Variants in ZNF782 observed in about 807,000 individuals in gnomAD.
ZNF782 encodes zinc finger protein 782.
Under a neutral mutation model 13.0 loss-of-function variants are expected in ZNF782, and 12 were observed. The ratio of observed to expected loss-of-function variants is 0.92; its 90% CI spans 0.59 to 1.50. The LOEUF is 1.50. Among genes scored for constraint, ZNF782 ranks in the 40% most tolerant of loss-of-function variants. ZNF782 has a pLI of 0.00. For missense variants in ZNF782, 770 were observed against 822.9 expected, an observed-to-expected ratio of 0.94 and a Z score of 0.79; for synonymous variants, 284 against 283.0, an observed-to-expected ratio of 1.00 and a Z score of -0.04.
intron 5 of ZNF782, among the ~76,000 whole-genome samples, chr9:96,822,295 G>A (rs1161209619): frequency 6.6e-6 from 1 of 151,958 alleles, no homozygotes; most frequent in Non-Finnish European, 1.5e-5. Context: ...ATACTTACAT[G>A]TTATATTGCA....
At chr9:96,908,129 C>T in the ZNF782 span, among the ~76,000 whole-genome samples, 8 of 151,868 alleles carry the variant, frequency 5.3e-5, no homozygotes, top group East Asian at 1.4e-3. Context: ...TTTCCAGTGC[C>T]CAGGCCAGTG....
chr9:96,846,341 A>G (rs756224600), intron 3 of ZNF782, among the ~76,000 whole-genome samples: 6 of 152,222 alleles, frequency 3.9e-5, no homozygotes, highest in Non-Finnish European at 8.8e-5. Context: ...TCACATCTCA[A>G]TATTAACATT....
rs1850223469 is a variant in ZNF782, at chr9:96,817,923, T to G, written c.2100A>C (p.Ter700TyrextTer22). Residue 700 changes from the stop codon to tyrosine (Y), a stop_lost, in exon 6 of 6, where the codon TAA becomes TAC. Coordinates refer to ENST00000481138, the MANE Select transcript of ZNF782 (RefSeq NM_001001662.3). ...TTTCGTATTCTTTATATGCATACAT[T>G]TAATCCCCTGGGTGGGCTTTCTGAT... Reference protein sequence around the residue: ...REHQKAHPGD* With the variant: ...REHQKAHPGDY 2 of 1,551,130 alleles carry G rather than the reference T, an allele frequency of 1.3e-6. No homozygotes were observed. Among genetic ancestry groups the G allele is most frequent in the African/African-American group, 2.8e-5 (2 of 72,242 alleles).
upstream of ZNF782, among the ~76,000 whole-genome samples, chr9:96,877,318 G>C (rs1018541800): frequency 6.6e-6 from 1 of 152,212 alleles, no homozygotes; most frequent in Admixed American, 6.5e-5. Flanking sequence ...CGCGGGCGAA[G>C]GAACACCCCC....
At chr9:96,878,558 C>T (rs1851922810), upstream of ZNF782, among the ~76,000 whole-genome samples, 1 of 152,214 alleles carries the variant, frequency 6.6e-6, no homozygotes, top group African/African-American at 2.4e-5. Context: ...AACATGGTTA[C>T]AACTTCTTTA....
At chr9:96,923,064 A>C in the ZNF782 span, among the ~76,000 whole-genome samples, 1 of 146,404 alleles carries the variant, frequency 6.8e-6, no homozygotes, top group African/African-American at 2.5e-5. Context: ...CCATCTCTCT[A>C]TCAGAGACAC....
intron 4 of ZNF782, among the ~76,000 whole-genome samples, chr9:96,834,541 T>A (rs1850923099): frequency 7.1e-6 from 1 of 140,386 alleles, no homozygotes. Flanking sequence ...TAGAGATTCC[T>A]CAGTTTCACA....
intron 3 of ZNF782, among the ~76,000 whole-genome samples, chr9:96,847,170 T>A: frequency 6.6e-6 from 1 of 152,168 alleles, no homozygotes; most frequent in Non-Finnish European, 1.5e-5. Context: ...ACCTCTGGGA[T>A]ATAGCAAAGC....
At chr9:96,911,663 G>A in the ZNF782 span, among the ~76,000 whole-genome samples, 4,662 of 150,030 alleles carry the variant, frequency 0.031, 11 homozygotes, top group East Asian at 0.27. Context: ...TGGGACTACA[G>A]GCGCCCGCCA....
intron 1 of ZNF782, among the ~76,000 whole-genome samples, chr9:96,865,818 C>A (rs1432734750): frequency 6.6e-6 from 1 of 152,104 alleles, no homozygotes; most frequent in Non-Finnish European, 1.5e-5. Flanking sequence ...AGATGAGGAA[C>A]TTGTTGGGAA....
the ZNF782 span, among the ~76,000 whole-genome samples, chr9:96,899,861 A>G: frequency 6.6e-6 from 1 of 151,792 alleles, no homozygotes; most frequent in Non-Finnish European, 1.5e-5. Context: ...GTGCAGTGGC[A>G]CCGTCTTGGT....
At chr9:96,933,106 T>C in the ZNF782 span, among the ~76,000 whole-genome samples, 7 of 150,836 alleles carry the variant, frequency 4.6e-5, no homozygotes, top group Non-Finnish European at 7.4e-5. Context: ...GGCTCCCGAG[T>C]AGCTGGGACT....
chr9:96,877,149 T>C (rs1349506189), upstream of ZNF782, among the ~76,000 whole-genome samples: 1 of 152,040 alleles, frequency 6.6e-6, no homozygotes, highest in Non-Finnish European at 1.5e-5. Context: ...ATATTGAGCA[T>C]GTATCTGCTC....
chr9:96,910,917 T>C, the ZNF782 span, among the ~76,000 whole-genome samples: 1 of 150,024 alleles, frequency 6.7e-6, no homozygotes, highest in Non-Finnish European at 1.5e-5. Flanking sequence ...ATTACAGGCG[T>C]GAGCCATCGC....
At chr9:96,822,649 T>C (rs1333869308) in intron 5 of ZNF782, among the ~76,000 whole-genome samples, 1 of 152,192 alleles carries the variant, frequency 6.6e-6, no homozygotes, top group African/African-American at 2.4e-5. Context: ...ATTACATCTT[T>C]TGCTTTGCTT....
At chr9:96,917,604 G>A in the ZNF782 span, among the ~76,000 whole-genome samples, 1 of 151,564 alleles carries the variant, frequency 6.6e-6, no homozygotes, top group African/African-American at 2.4e-5. Context: ...GCTATTTTTT[G>A]TATTTTTAGT....
At chr9:96,824,523 C>G (rs1036043341) in intron 5 of ZNF782, among the ~76,000 whole-genome samples, 4 of 151,822 alleles carry the variant, frequency 2.6e-5, no homozygotes, top group Non-Finnish European at 5.9e-5. Context: ...CTCACCACTC[C>G]TATTCAACAT....
chr9:96,859,689 A>T lies in ZNF782; in HGVS notation c.-207+552T>A, dbSNP rs150300872. 8.7e-3 allele frequency among the ~76,000 whole-genome samples: 1,332 copies of T among 152,304 alleles called. 9 individuals carry two copies. The highest frequency in any genetic ancestry group is 0.051 in the Middle Eastern group (15 of 294). ...GCTGGCATCAGGTGTGACCCCGCACATTCCCAGCTGTGGTGTCTGTGAGGA... is the reference window on the plus strand; with the variant it reads ...GCTGGCATCAGGTGTGACCCCGCACTTTCCCAGCTGTGGTGTCTGTGAGGA... On this transcript the variant is annotated intron_variant, in intron 3 of 5. Transcript: ENST00000498811.
At chr9:96,907,359 AGTT>A in the ZNF782 span, among the ~76,000 whole-genome samples, 1 of 152,076 alleles carries the variant, frequency 6.6e-6, no homozygotes, top group Non-Finnish European at 1.5e-5. Flanking sequence ...AGAAAGGGGC[AGTT>A]GTTGTTTAAC....
Sources: allele counts gnomAD v4.1 joint callset (sites outside exome capture counted in the v4.1 genomes callset), GRCh38; gene constraint gnomAD v4.1.1; transcripts MANE v1.5; gene names NCBI Gene and HGNC (gene_info 2026-07-23, HGNC 2026-07-21).